The following FBXO42 variants were observed in gnomAD, a reference collection of about 807,000 sequenced individuals.
The protein encoded by FBXO42 is F-box only protein 42.
Under a neutral mutation model 71.7 loss-of-function variants are expected in FBXO42, and 12 were observed. That is an observed-to-expected ratio of 0.17 (90% CI 0.11 to 0.27). FBXO42 has a LOEUF of 0.27. FBXO42 is among the 10% of genes least tolerant of loss of function. FBXO42 has a pLI of 1.00. For missense variants in FBXO42, 707 were observed against 911.9 expected, an observed-to-expected ratio of 0.78 and a Z score of 2.89; for synonymous variants, 325 against 327.5, an observed-to-expected ratio of 0.99 and a Z score of 0.08.
intron 3 of FBXO42, among the ~76,000 whole-genome samples, chr1:16,297,735 C>T (rs1009298664): frequency 6.6e-6 from 1 of 151,838 alleles, no homozygotes; most frequent in African/African-American, 2.4e-5. Flanking sequence ...GGCGTGGTGG[C>T]AGGCGCCTGT....
chr1:16,316,221 CTT>C (rs2082364443), intron 1 of FBXO42, among the ~76,000 whole-genome samples: 1 of 148,624 alleles, frequency 6.7e-6, no homozygotes, highest in Admixed American at 6.7e-5. Context: ...TTTTTCTAAA[CTT>C]TTATGCAAGA....
At chr1:16,340,971 C>T (rs2082598552) in intron 1 of FBXO42, among the ~76,000 whole-genome samples, 1 of 152,076 alleles carries the variant, frequency 6.6e-6, no homozygotes, top group African/African-American at 2.4e-5. Context: ...AAAAAATCAG[C>T]AGTAAAGCAT....
chr1:16,305,954 ACT>A, intron 2 of FBXO42, 35 bp from the exon 3 acceptor site: 1 of 1,350,980 alleles, frequency 7.4e-7, no homozygotes, highest in South Asian at 1.2e-5. Flanking sequence ...CAGTCCAGAC[ACT>A]TAACTTATCC....
chr1:16,257,498 T>C (rs2081658639), intron 4 of FBXO42, among the ~76,000 whole-genome samples: 1 of 152,186 alleles, frequency 6.6e-6, no homozygotes, highest in Admixed American at 6.5e-5. Context: ...AAAAAAACAC[T>C]TTGGCTTATG....
rs188895032 is a variant in FBXO42, at chr1:16,328,872, T to C, written c.-17-13437A>G. Reference sequence around the variant, plus strand: ...GCCCTAAAAACAAAACAAAAGAAAATTGATGGGATTGGCCGGGTGCGGTGG... The same window carrying C: ...GCCCTAAAAACAAAACAAAAGAAAACTGATGGGATTGGCCGGGTGCGGTGG... On this transcript the variant is annotated intron_variant, in intron 1 of 9. Transcript: ENST00000375592. 2.3e-4 allele frequency among the ~76,000 whole-genome samples: 35 copies of C among 151,988 alleles called. No individual in the cohort carries two copies. In the East Asian group the frequency reaches 6.8e-3, roughly 29 times the overall value.
chr1:16,334,909 TC>T (rs2082537334), intron 1 of FBXO42, among the ~76,000 whole-genome samples: 1 of 151,884 alleles, frequency 6.6e-6, no homozygotes, highest in Admixed American at 6.6e-5. Context: ...TAAACAGTGA[TC>T]CTTAGTATCA....
At chr1:16,350,757 A>AAAAGAAAGAAAGAAAG (rs559971807) in intron 1 of FBXO42, among the ~76,000 whole-genome samples, 1,760 of 44,160 alleles carry the variant, frequency 0.04, 86 homozygotes, top group East Asian at 0.092. Flanking sequence ...AAAAAAAAAA[A>AAAAGAAAGAAAGAAAG]AAAGAAAGAA....
intron 4 of FBXO42, among the ~76,000 whole-genome samples, chr1:16,258,362 CCTTT>C (rs2081669579): frequency 7.5e-6 from 1 of 133,444 alleles, no homozygotes; most frequent in South Asian, 2.2e-4. Context: ...ATTTCTTCTT[CCTTT>C]TTTTTTTTTT....
At chr1:16,322,101 A>ACTTTT (rs2082413675) in intron 1 of FBXO42, among the ~76,000 whole-genome samples, 2 of 152,178 alleles carry the variant, frequency 1.3e-5, no homozygotes, top group Non-Finnish European at 2.9e-5. Context: ...GTATATCCAG[A>ACTTTT]AAATGGTAGA....
At chr1:16,344,821 G>A (rs537295181) in intron 1 of FBXO42, among the ~76,000 whole-genome samples, 73 of 152,144 alleles carry the variant, frequency 4.8e-4, no homozygotes, top group Admixed American at 2.8e-3. Flanking sequence ...TTTCTGGGCC[G>A]GGCGTGGTGG....
At chr1:16,337,400 G>A (rs1325612224) in intron 1 of FBXO42, among the ~76,000 whole-genome samples, 3 of 152,042 alleles carry the variant, frequency 2.0e-5, no homozygotes, top group African/African-American at 7.2e-5. Context: ...TAATCTTTAC[G>A]TCAACTCTGT....
chr1:16,281,920 C>T (rs1276934973), intron 4 of FBXO42, among the ~76,000 whole-genome samples: 2 of 151,756 alleles, frequency 1.3e-5, no homozygotes, highest in Admixed American at 1.3e-4. Flanking sequence ...AAGTGATCCA[C>T]CAAGTGAAGT....
At chr1:16,292,314 T>C (rs61769830) in intron 4 of FBXO42, 12,387 of 152,294 alleles carry the variant, frequency 0.081, 689 homozygotes, top group Non-Finnish European at 0.12. Context: ...CCTTCCTCTC[T>C]TTCTCTTTCT....
rs988931830 is a variant in FBXO42, at chr1:16,246,980, T to C, written c.*3690A>G. On this transcript the variant is annotated 3_prime_UTR_variant, in exon 10 of 10. Coordinates refer to ENST00000375592, the MANE Select transcript of FBXO42 (RefSeq NM_018994.3). Reference sequence around the variant, plus strand: ...CACTGTTATGTGCCCAAAATGACTATCTCAGGGTAAGCCACCTGGCATCCC... The same window carrying C: ...CACTGTTATGTGCCCAAAATGACTACCTCAGGGTAAGCCACCTGGCATCCC... 6.6e-6 allele frequency: 1 copy of C among 152,240 alleles called. No individual in the cohort carries two copies. Among genetic ancestry groups the C allele is most frequent in the Admixed American group, 6.5e-5 (1 of 15,284 alleles). 9.4% of individuals were successfully genotyped at this position (152,240 alleles called of 1,614,324 possible). A position where few individuals can be genotyped will look rare whatever the true frequency, so the allele number is the denominator to read the frequency against.
At chr1:16,269,621 G>A (rs1012753491) in intron 4 of FBXO42, among the ~76,000 whole-genome samples, 2 of 151,732 alleles carry the variant, frequency 1.3e-5, no homozygotes, top group East Asian at 3.9e-4. Context: ...CGCCTCCCAG[G>A]TTCAAGCGAT....
chr1:16,254,765 C>G (rs149787956), intron 6 of FBXO42, among the ~76,000 whole-genome samples: 1 of 152,306 alleles, frequency 6.6e-6, no homozygotes, highest in African/African-American at 2.4e-5. Flanking sequence ...CTGAATCAGA[C>G]AGTGATACAG....
intron 1 of FBXO42, among the ~76,000 whole-genome samples, chr1:16,344,131 G>C (rs1463081574): frequency 6.6e-6 from 1 of 151,768 alleles, no homozygotes; most frequent in Non-Finnish European, 1.5e-5. Flanking sequence ...CCAAGTAGCT[G>C]GAATTACAGG....
At chr1:16,339,289 A>G (rs976191777) in intron 1 of FBXO42, among the ~76,000 whole-genome samples, 1 of 152,052 alleles carries the variant, frequency 6.6e-6, no homozygotes, top group African/African-American at 2.4e-5. Context: ...ACACAATGTC[A>G]CACTATTTCA....
rs1480409725 is a variant in FBXO42 at position 16,249,894 on chromosome 1, GTTT to G, written c.*773_*775del. 6.6e-6 allele frequency: 1 copy of G among 152,172 alleles called. No individual in the cohort carries two copies. Among genetic ancestry groups the G allele is most frequent in the African/African-American group, 2.4e-5 (1 of 41,450 alleles). 9.4% of individuals were successfully genotyped at this position (152,172 alleles called of 1,614,324 possible). Reference sequence around the variant, plus strand: ...AGGGAAGAAAGAGGAGAATAAATATGTTTTTTGGCAACTTGCCACCAAATATGA... The same window carrying G: ...AGGGAAGAAAGAGGAGAATAAATATGTTTGGCAACTTGCCACCAAATATGA... On this transcript the variant is annotated 3_prime_UTR_variant, in exon 10 of 10. Transcript: ENST00000375592.
Sources: gnomAD v4.1 joint callset for allele counts (sites outside exome capture counted in the v4.1 genomes callset) on GRCh38, gnomAD v4.1.1 for gene constraint, MANE v1.5 for transcripts, NCBI Gene and HGNC (gene_info 2026-07-23, HGNC 2026-07-21) for gene names.